The following SPAG16 variants were observed in gnomAD, a reference collection of about 807,000 sequenced individuals.
SPAG16 encodes the protein sperm-associated antigen 16 protein.
A neutral mutation model predicts 80.4 loss-of-function variants in SPAG16; 86 were observed. The observed-to-expected ratio is 1.07, with a 90% CI of 0.90 to 1.28. The LOEUF is 1.28. Ranked by LOEUF, SPAG16 falls within the 50% of genes most tolerant of loss-of-function variation. SPAG16 has a pLI of 0.00. For missense variants in SPAG16, 870 were observed against 765.3 expected (o/e 1.14, Z -1.61); for synonymous variants, 294 against 265.9 (o/e 1.11, Z -1.03).
At chr2:213,676,283 A>C (rs897732257) in intron 10 of SPAG16, among the ~76,000 whole-genome samples, 6 of 152,138 alleles carry the variant, frequency 3.9e-5, no homozygotes, top group South Asian at 4.2e-4. Flanking sequence ...AGATTTTGGG[A>C]TGAGACAATG....
chr2:213,645,057 A>G lies in SPAG16; in HGVS notation c.1070+154967A>G, dbSNP rs943024380. Among the ~76,000 whole-genome samples, 16 of 152,160 alleles carry G rather than the reference A, an allele frequency of 1.1e-4. 2 individuals carry two copies. Among genetic ancestry groups the G allele is most frequent in the Non-Finnish European group, 2.2e-4 (15 of 68,018 alleles). ...TTGTATTCGGCTGAGCTAGCTCTCA[A>G]ATCACTTGATGCAGTTCTTCCCACT... On this transcript the variant is annotated intron_variant, in intron 10 of 15. Coordinates refer to ENST00000331683, the MANE Select transcript of SPAG16 (RefSeq NM_024532.5).
intron 15 of SPAG16, among the ~76,000 whole-genome samples, chr2:214,349,854 C>T (rs953117237): frequency 3.9e-5 from 6 of 152,046 alleles, no homozygotes; most frequent in African/African-American, 4.8e-5. Context: ...TTCATGTGCT[C>T]GTTGAGCATT....
At chr2:214,374,270 A>T (rs1355562422) in intron 15 of SPAG16, among the ~76,000 whole-genome samples, 3 of 152,136 alleles carry the variant, frequency 2.0e-5, no homozygotes, top group Admixed American at 6.6e-5. Flanking sequence ...AAATGACTCT[A>T]AAAAAATCCA....
intron 10 of SPAG16, among the ~76,000 whole-genome samples, chr2:213,510,532 G>A (rs144420793): frequency 1.1e-3 from 161 of 152,070 alleles, no homozygotes; most frequent in African/African-American, 3.6e-3. Context: ...AAATTTCAAC[G>A]TAATATGGAA....
intron 15 of SPAG16, among the ~76,000 whole-genome samples, chr2:214,405,353 T>G (rs1263674126): frequency 6.6e-6 from 1 of 152,098 alleles, no homozygotes; most frequent in Non-Finnish European, 1.5e-5. Flanking sequence ...TCTCAAACTT[T>G]TGGCCTCAAG....
intron 13 of SPAG16, among the ~76,000 whole-genome samples, chr2:214,071,051 C>T (rs2050767213): frequency 6.6e-6 from 1 of 152,024 alleles, no homozygotes; most frequent in Non-Finnish European, 1.5e-5. Context: ...TAAAGGTCTG[C>T]ACCAGTACTG....
intron 10 of SPAG16, among the ~76,000 whole-genome samples, chr2:213,625,786 C>T (rs1028710482): frequency 3.9e-5 from 6 of 152,188 alleles, no homozygotes; most frequent in East Asian, 1.9e-4. Context: ...TAGGTGAGTT[C>T]GAGTGATTCT....
At chr2:214,304,933 G>A (rs1401288644) in intron 15 of SPAG16, among the ~76,000 whole-genome samples, 1 of 151,998 alleles carries the variant, frequency 6.6e-6, no homozygotes, top group Non-Finnish European at 1.5e-5. Flanking sequence ...CTTTCTCTAA[G>A]TCTTTGAGGA....
chr2:214,352,265 T>C (rs1279286530), intron 15 of SPAG16, among the ~76,000 whole-genome samples: 1 of 152,252 alleles, frequency 6.6e-6, no homozygotes, highest in Non-Finnish European at 1.5e-5. Flanking sequence ...AACAAACAAG[T>C]ATCTCAGATA....
At chr2:214,026,337 C>A (rs2048130587) in intron 13 of SPAG16, among the ~76,000 whole-genome samples, 1 of 151,006 alleles carries the variant, frequency 6.6e-6, no homozygotes, top group Admixed American at 6.6e-5. Flanking sequence ...TAGGAAAATT[C>A]AATGGAAAAA....
intron 15 of SPAG16, among the ~76,000 whole-genome samples, chr2:214,183,488 T>C (rs10190431): frequency 0.45 from 67,570 of 151,810 alleles, 15,195 homozygotes; most frequent in African/African-American, 0.52. Context: ...GTGGCTACTA[T>C]GGCTCTCAGC....
intron 15 of SPAG16, among the ~76,000 whole-genome samples, chr2:214,396,297 T>C (rs952827583): frequency 2.5e-4 from 38 of 152,168 alleles, no homozygotes; most frequent in Admixed American, 2.4e-3. Flanking sequence ...TTTTAATGAT[T>C]ATATTTAGTA....
chr2:213,947,655 C>T (rs574448859), intron 12 of SPAG16, among the ~76,000 whole-genome samples: 141 of 152,086 alleles, frequency 9.3e-4, no homozygotes, highest in African/African-American at 3.2e-3. Context: ...TTTCCAATAC[C>T]ATATGATGAA....
chr2:214,108,546 A>G (rs2053515207), intron 14 of SPAG16, among the ~76,000 whole-genome samples: 1 of 151,926 alleles, frequency 6.6e-6, no homozygotes, highest in Admixed American at 6.6e-5. Flanking sequence ...CTTTACTTAA[A>G]CACATTTTTA....
intron 10 of SPAG16, among the ~76,000 whole-genome samples, chr2:213,677,189 C>G (rs541067104): frequency 6.6e-6 from 1 of 152,122 alleles, no homozygotes; most frequent in Non-Finnish European, 1.5e-5. Flanking sequence ...ACCATCGAGA[C>G]TAGGAAGAAA....
intron 14 of SPAG16, among the ~76,000 whole-genome samples, chr2:214,145,847 A>G (rs1299457335): frequency 1.3e-5 from 2 of 152,128 alleles, no homozygotes; most frequent in Non-Finnish European, 2.9e-5. Context: ...TTCCCTTTGT[A>G]TTCATTCATT....
intron 10 of SPAG16, among the ~76,000 whole-genome samples, chr2:213,615,646 G>C (rs2061569440): frequency 6.6e-6 from 1 of 152,092 alleles, no homozygotes; most frequent in African/African-American, 2.4e-5. Flanking sequence ...TTTTGCAAGT[G>C]TAGACATGAC....
chr2:213,332,796 C>G (rs530813793), intron 5 of SPAG16, among the ~76,000 whole-genome samples: 1 of 152,188 alleles, frequency 6.6e-6, no homozygotes, highest in East Asian at 1.9e-4. Flanking sequence ...TCAATTCATG[C>G]TGAGAAAAAT....
intron 13 of SPAG16, among the ~76,000 whole-genome samples, chr2:214,100,103 A>T (rs10176272): frequency 0.092 from 13,946 of 151,878 alleles, 813 homozygotes; most frequent in East Asian, 0.28. Flanking sequence ...GAGTGAGTTA[A>T]CATGAGATCT....
Sources: allele counts gnomAD v4.1 joint callset (sites outside exome capture counted in the v4.1 genomes callset), GRCh38; gene constraint gnomAD v4.1.1; transcripts MANE v1.5; gene names NCBI Gene and HGNC (gene_info 2026-07-23, HGNC 2026-07-21).